Variants in SKIC3 observed in about 807,000 individuals in gnomAD.
The protein encoded by SKIC3 is superkiller complex protein 3.
At chr5:95,482,406 C>G in the SKIC3 span, 1 of 1,499,012 alleles carries the variant, frequency 6.7e-7, no homozygotes, top group Non-Finnish European at 9.3e-7. Context: ...TGGAGCATAG[C>G]CCTGACATTA....
the SKIC3 span, among the ~76,000 whole-genome samples, chr5:95,528,378 C>T: frequency 6.6e-5 from 10 of 152,142 alleles, no homozygotes; most frequent in Non-Finnish European, 1.3e-4. Flanking sequence ...TCTATCTTCA[C>T]ACAACATATA....
the SKIC3 span, among the ~76,000 whole-genome samples, chr5:95,467,432 G>C: frequency 3.3e-5 from 5 of 152,130 alleles, no homozygotes; most frequent in African/African-American, 4.8e-5. Flanking sequence ...GAGCATTTCA[G>C]ACTTTGGATT....
At chr5:95,481,634 G>A in the SKIC3 span, among the ~76,000 whole-genome samples, 1 of 152,078 alleles carries the variant, frequency 6.6e-6, no homozygotes, top group African/African-American at 2.4e-5. Context: ...AGGTCAGCTA[G>A]ATGTTCTGAG....
the SKIC3 span, chr5:95,514,945 T>C: frequency 6.2e-7 from 1 of 1,609,798 alleles, no homozygotes; most frequent in Non-Finnish European, 8.5e-7. Flanking sequence ...AGGCAAAAAA[T>C]ATTACAGCAA....
At chr5:95,485,034 T>A in the SKIC3 span, among the ~76,000 whole-genome samples, 2 of 152,108 alleles carry the variant, frequency 1.3e-5, no homozygotes, top group Admixed American at 6.5e-5. Flanking sequence ...ATGGCAGGAG[T>A]ATTTGTGGCT....
At chr5:95,505,114 T>G in the SKIC3 span, among the ~76,000 whole-genome samples, 1 of 152,242 alleles carries the variant, frequency 6.6e-6, no homozygotes, top group Non-Finnish European at 1.5e-5. Context: ...GGAACTTGTA[T>G]AAGCTCAACT....
chr5:95,507,333 T>C, the SKIC3 span, among the ~76,000 whole-genome samples: 732 of 152,300 alleles, frequency 4.8e-3, 3 homozygotes, highest in African/African-American at 0.016. Context: ...TTGGAGTTTA[T>C]AGAAAACACC....
the SKIC3 span, among the ~76,000 whole-genome samples, chr5:95,482,034 A>G: frequency 6.6e-6 from 1 of 152,192 alleles, no homozygotes; most frequent in South Asian, 2.1e-4. Flanking sequence ...CTGAAAGAGC[A>G]GATGATCTGT....
At chr5:95,477,613 C>T in the SKIC3 span, among the ~76,000 whole-genome samples, 1 of 152,152 alleles carries the variant, frequency 6.6e-6, no homozygotes, top group Non-Finnish European at 1.5e-5. Context: ...CCCCCAGTCC[C>T]CTTCTCCAAA....
At chr5:95,541,255 C>A in the SKIC3 span, 2 of 1,569,918 alleles carry the variant, frequency 1.3e-6, no homozygotes, top group Middle Eastern at 1.7e-4. Context: ...TGTGAGTCAC[C>A]GCGCCCAGCC....
At chr5:95,495,016 C>T in the SKIC3 span, 1 of 1,613,504 alleles carries the variant, frequency 6.2e-7, no homozygotes, top group Non-Finnish European at 8.5e-7. Flanking sequence ...TACAACACCT[C>T]CCTAGAACAG....
the SKIC3 span, chr5:95,541,910 AAAG>A: frequency 1.8e-5 from 28 of 1,585,506 alleles, no homozygotes; most frequent in South Asian, 1.1e-4. Flanking sequence ...CTAACCCCTA[AAAG>A]AAGAAGTACT....
chr5:95,513,272 A>G, the SKIC3 span: 2 of 368,602 alleles, frequency 5.4e-6, no homozygotes, highest in South Asian at 5.8e-5. Flanking sequence ...CAATGGCATG[A>G]TCATAGCTCA....
the SKIC3 span, among the ~76,000 whole-genome samples, chr5:95,464,853 G>T: frequency 6.8e-6 from 1 of 147,570 alleles, no homozygotes; most frequent in Admixed American, 6.8e-5. Flanking sequence ...GATATAAATT[G>T]TTTAAACGAA....
the SKIC3 span, chr5:95,523,053 G>A: frequency 1.9e-6 from 2 of 1,061,270 alleles, no homozygotes; most frequent in Non-Finnish European, 2.8e-6. Flanking sequence ...CAATTCCACT[G>A]CCCTGCAAAC....
At chr5:95,509,248 G>A in the SKIC3 span, among the ~76,000 whole-genome samples, 1 of 152,134 alleles carries the variant, frequency 6.6e-6, no homozygotes, top group Non-Finnish European at 1.5e-5. Flanking sequence ...GTAGAACTTT[G>A]TTCCTTAGTT....
chr5:95,492,916 A>T, the SKIC3 span, among the ~76,000 whole-genome samples: 1 of 152,030 alleles, frequency 6.6e-6, no homozygotes, highest in African/African-American at 2.4e-5. Flanking sequence ...GTTTCCATGA[A>T]CTCTTCCATA....
At chr5:95,514,378 A>C in the SKIC3 span, among the ~76,000 whole-genome samples, 352 of 152,302 alleles carry the variant, frequency 2.3e-3, 1 homozygote, top group Non-Finnish European at 4.3e-3. Context: ...GCAGTACAAA[A>C]ATCTGAATTT....
At chr5:95,543,283 A>G in the SKIC3 span, 1 of 1,614,088 alleles carries the variant, frequency 6.2e-7, no homozygotes, top group South Asian at 1.1e-5. Context: ...CAACGCCAAT[A>G]AAAACCCAGG....
Sources: gnomAD v4.1 joint callset for allele counts (sites outside exome capture counted in the v4.1 genomes callset) on GRCh38, gnomAD v4.1.1 for gene constraint, MANE v1.5 for transcripts, NCBI Gene and HGNC (gene_info 2026-07-23, HGNC 2026-07-21) for gene names.